The following ADAM12 variants were observed in gnomAD, a reference collection of about 807,000 sequenced individuals.
ADAM12 encodes the protein disintegrin and metalloproteinase domain-containing protein 12.
ADAM12 carries 70 observed loss-of-function variants against 106.4 expected under a neutral mutation model. That is an observed-to-expected ratio of 0.66 (90% CI 0.54 to 0.80). The LOEUF (loss-of-function observed/expected upper bound fraction) is 0.80. ADAM12 is among the 30% of genes least tolerant of loss of function. ADAM12 has a pLI of 0.00. For synonymous variants in ADAM12, 420 were observed against 433.5 expected, an observed-to-expected ratio of 0.97 and a Z score of 0.39; for missense variants, 1,010 against 1,171.9, an observed-to-expected ratio of 0.86 and a Z score of 2.02.
intron 21 of ADAM12, among the ~76,000 whole-genome samples, chr10:126,035,153 AGTC>A (rs937801756): frequency 6.6e-6 from 1 of 151,790 alleles, no homozygotes; most frequent in Non-Finnish European, 1.5e-5. Flanking sequence ...GTGTTAGCAA[AGTC>A]ATGGTGAGAA....
rs534722483 is a variant in ADAM12 at position 126,138,556 on chromosome 10, T to C, written c.340-2896A>G. Among the ~76,000 whole-genome samples, 6 of 152,220 alleles carry C rather than the reference T, an allele frequency of 3.9e-5. No homozygotes were observed. The South Asian group carries it at 1.2e-3, about 32-fold the overall frequency. On this transcript the variant is annotated intron_variant, in intron 4 of 22. Coordinates refer to ENST00000448723, the MANE Select transcript of ADAM12 (RefSeq NM_001288973.2). ...CACCCAGCTAATTTTTGTATTTTTTTGTAGTGATGGAATTTCACCATATTG... is the reference window on the plus strand; with the variant it reads ...CACCCAGCTAATTTTTGTATTTTTTCGTAGTGATGGAATTTCACCATATTG...
intron 4 of ADAM12, among the ~76,000 whole-genome samples, chr10:126,136,448 T>A (rs149582588): frequency 6.4e-4 from 98 of 152,294 alleles, no homozygotes; most frequent in African/African-American, 1.9e-3. Context: ...GGACGCCAGC[T>A]GGGTGCAGGT....
chr10:126,051,580 T>TCCAGCCAGCCAGCCAGCCAGCCAG (rs1303239755), intron 14 of ADAM12, among the ~76,000 whole-genome samples: 1 of 100,920 alleles, frequency 9.9e-6, no homozygotes, highest in Non-Finnish European at 1.8e-5. Context: ...CATCCATCCA[T>TCCAGCCAGCCAGCCAGCCAGCCAG]CCATCCATCC....
At chr10:126,052,072 G>A (rs539088708) in intron 14 of ADAM12, among the ~76,000 whole-genome samples, 4 of 152,324 alleles carry the variant, frequency 2.6e-5, no homozygotes, top group East Asian at 3.9e-4. Context: ...CATAGGTAAC[G>A]AAGGCAGGAT....
chr10:126,356,781 CAG>C (rs199822522), intron 1 of ADAM12, among the ~76,000 whole-genome samples: 1,570 of 152,042 alleles, frequency 0.01, 39 homozygotes, highest in African/African-American at 0.036. Context: ...GATGAAGAAA[CAG>C]AAACAATCAA....
At chr10:126,380,569 G>A (rs531091713) in intron 1 of ADAM12, among the ~76,000 whole-genome samples, 1 of 152,172 alleles carries the variant, frequency 6.6e-6, no homozygotes, top group Non-Finnish European at 1.5e-5. Context: ...GCAAAGACCT[G>A]CGCACCGCTC....
intron 5 of ADAM12, among the ~76,000 whole-genome samples, chr10:126,130,380 T>C (rs1956283013): frequency 6.6e-6 from 1 of 152,032 alleles, no homozygotes; most frequent in Non-Finnish European, 1.5e-5. Flanking sequence ...ATCTGGGAAG[T>C]CAAAATTCTC....
chr10:126,104,608 T>C (rs1955730024), intron 8 of ADAM12, among the ~76,000 whole-genome samples: 1 of 152,048 alleles, frequency 6.6e-6, no homozygotes, highest in African/African-American at 2.4e-5. Flanking sequence ...AACTCCACGA[T>C]AGCTCCATGG....
In ADAM12 at chr10:126,388,060, CG is replaced by C. The variant is rs1856739270; in HGVS notation, c.85del (p.Arg29GlufsTer3). On this transcript the variant is annotated frameshift_variant, in exon 1 of 23. Coordinates refer to ENST00000448723, the MANE Select transcript of ADAM12 (RefSeq NM_001288973.2). LOFTEE classifies it high-confidence loss of function. The surrounding 1 kb of genome is among the most constrained non-coding windows in gnomAD (Gnocchi z 4.4). ...GCCGCCCTAGTTCGGCGACTTACCT[CG>C]GGCCTCGCAGGGCGCGAGCAGAGCA... Reference protein sequence around the residue: ...AGALLAPCEARGVSLWNQGRA... With the variant: ...AGALLAPCEAXGVSLWNQGRA... 8.2e-7 allele frequency: 1 copy of C among 1,223,356 alleles called. No homozygotes were observed. 75.8% of individuals were successfully genotyped at this position (1,223,356 alleles called of 1,614,324 possible).
At chr10:126,241,200 G>T (rs533260551) in intron 3 of ADAM12, among the ~76,000 whole-genome samples, 1 of 152,196 alleles carries the variant, frequency 6.6e-6, no homozygotes, top group South Asian at 2.1e-4. Flanking sequence ...GTGAGCATTT[G>T]CCAGAAGCTT....
chr10:126,285,600 T>G (rs1025225757), intron 2 of ADAM12, among the ~76,000 whole-genome samples: 1 of 152,228 alleles, frequency 6.6e-6, no homozygotes, highest in Admixed American at 6.5e-5. Flanking sequence ...TTAGGGCATG[T>G]AGGCTTGGAG....
chr10:126,082,363 G>GTTTTTTTTTTTT lies in ADAM12; in HGVS notation c.1146-10721_1146-10710dup, dbSNP rs5788763. 2.7e-4 allele frequency among the ~76,000 whole-genome samples: 22 copies of GTTTTTTTTTTTT among 80,780 alleles called. 2 individuals carry two copies. Among genetic ancestry groups the GTTTTTTTTTTTT allele is most frequent in the African/African-American group, 8.0e-4 (15 of 18,716 alleles). The allele number at this position is 80,780 out of a possible 152,430, so 53.0% of individuals were successfully genotyped here. Reference sequence around the variant, plus strand: ...CTCTGGAGAAGACAATCTAATGACTGTTTTTTTTTTTTTTTTTTTTTTTTA... The same window carrying GTTTTTTTTTTTT: ...CTCTGGAGAAGACAATCTAATGACTGTTTTTTTTTTTTTTTTTTTTTTTTTTTTTTTTTTTTA... On this transcript the variant is annotated intron_variant, in intron 11 of 22. Transcript: ENST00000448723.
chr10:126,218,576 T>C (rs917046818), intron 3 of ADAM12, among the ~76,000 whole-genome samples: 2 of 152,184 alleles, frequency 1.3e-5, no homozygotes, highest in African/African-American at 2.4e-5. Flanking sequence ...AAAACCTTCA[T>C]TCTCTGTGAA....
intron 21 of ADAM12, among the ~76,000 whole-genome samples, chr10:126,035,392 A>G (rs1219853936): frequency 1.3e-5 from 2 of 152,200 alleles, no homozygotes; most frequent in African/African-American, 4.8e-5. Flanking sequence ...AAACATTTAT[A>G]TTCAAGTATA....
chr10:126,103,155 T>C (rs998269123), intron 8 of ADAM12, among the ~76,000 whole-genome samples: 1 of 152,206 alleles, frequency 6.6e-6, no homozygotes, highest in Admixed American at 6.5e-5. Flanking sequence ...TTCATGATAA[T>C]GATGGGTTTT....
intron 3 of ADAM12, among the ~76,000 whole-genome samples, chr10:126,219,808 C>T (rs958521171): frequency 1.3e-5 from 2 of 152,144 alleles, no homozygotes; most frequent in Non-Finnish European, 2.9e-5. Context: ...CTCTTATTAT[C>T]AGACAATTCT....
At chr10:126,315,018 C>T (rs1021084746) in intron 2 of ADAM12, among the ~76,000 whole-genome samples, 3 of 152,114 alleles carry the variant, frequency 2.0e-5, no homozygotes, top group African/African-American at 7.2e-5. Context: ...GGCAAGGAAA[C>T]GGTAAGCATG....
intron 1 of ADAM12, among the ~76,000 whole-genome samples, chr10:126,355,383 T>C (rs1855503578): frequency 4.6e-5 from 7 of 152,162 alleles, no homozygotes; most frequent in Admixed American, 4.6e-4. Context: ...GCAAAAATAG[T>C]GGAACAGGTG....
chr10:126,107,750 G>C (rs1317963871), intron 8 of ADAM12, among the ~76,000 whole-genome samples: 2 of 152,116 alleles, frequency 1.3e-5, no homozygotes, highest in Admixed American at 6.5e-5. Context: ...CTGAAAATTC[G>C]AGGTCTAACC....
Sources: gnomAD v4.1 joint callset for allele counts (sites outside exome capture counted in the v4.1 genomes callset) on GRCh38, gnomAD v4.1.1 for gene constraint, Gnocchi (gnomAD v3.1) non-coding constraint, MANE v1.5 for transcripts, NCBI Gene and HGNC (gene_info 2026-07-23, HGNC 2026-07-21) for gene names.